The following PDE4D variants were observed in gnomAD, a reference collection of about 807,000 sequenced individuals.
The protein encoded by PDE4D is phosphodiesterase 4D.
A neutral mutation model predicts 87.4 loss-of-function variants in PDE4D; 24 were observed. The ratio of observed to expected loss-of-function variants is 0.27; its 90% CI spans 0.20 to 0.39. PDE4D has a LOEUF of 0.39. Ranked by LOEUF, PDE4D falls within the 10% of genes least tolerant of loss-of-function variation. The pLI is 1.00. For missense variants in PDE4D, 714 were observed against 1,041.0 expected (o/e 0.69, Z 4.32); for synonymous variants, 384 against 383.2 (o/e 1.00, Z -0.02).
At chr5:59,781,158 C>A (rs1764582010) in intron 1 of PDE4D, among the ~76,000 whole-genome samples, 3 of 121,110 alleles carry the variant, frequency 2.5e-5, no homozygotes, top group East Asian at 2.4e-4. Context: ...AAGAGTTAAA[C>A]TCCTTCTCAA....
At chr5:59,821,546 T>C (rs1189216696) in intron 1 of PDE4D, among the ~76,000 whole-genome samples, 1 of 152,226 alleles carries the variant, frequency 6.6e-6, no homozygotes, top group Non-Finnish European at 1.5e-5. Flanking sequence ...TGTACAATTC[T>C]GAAGAAATAA....
Position 60,027,256 on chromosome 5 carries a change from C to T in PDE4D, c.43-38539G>A, listed in dbSNP as rs190682327. Among the ~76,000 whole-genome samples the T allele has an allele frequency of 2.2e-3, 341 of 152,224 alleles. 3 individuals carry two copies. The highest frequency in any genetic ancestry group is 0.014 in the Middle Eastern group (4 of 294). ...TCTTCCCTCTTGGAGTCTCTAGTGT[C>T]TATTGTTTCCATCTTTATATCTGTG... On this transcript the variant is annotated intron_variant, in intron 2 of 16. Coordinates refer to the PDE4D transcript ENST00000502484.
chr5:60,348,461 C>A (rs1247667826), intron 1 of PDE4D, among the ~76,000 whole-genome samples: 1 of 151,808 alleles, frequency 6.6e-6, no homozygotes, highest in Non-Finnish European at 1.5e-5. Context: ...AAAAAAAACT[C>A]AAGTATGGAA....
At chr5:59,100,746 C>T (rs902830058) in intron 5 of PDE4D, among the ~76,000 whole-genome samples, 1 of 152,202 alleles carries the variant, frequency 6.6e-6, no homozygotes, top group Non-Finnish European at 1.5e-5. Context: ...GATTCTAGAT[C>T]CACAGAAGCT....
At chr5:59,025,947 C>A (rs928465077) in intron 6 of PDE4D, among the ~76,000 whole-genome samples, 4 of 152,214 alleles carry the variant, frequency 2.6e-5, no homozygotes, top group African/African-American at 7.2e-5. Flanking sequence ...CAGAGGCTGT[C>A]CCTATAGGGA....
At chr5:60,040,866 T>C (rs1768397823) in intron 2 of PDE4D, among the ~76,000 whole-genome samples, 1 of 152,204 alleles carries the variant, frequency 6.6e-6, no homozygotes, top group Admixed American at 6.5e-5. Flanking sequence ...AACAATGGTT[T>C]CTTCTTTAAG....
chr5:59,564,879 G>A (rs896689687), intron 1 of PDE4D, among the ~76,000 whole-genome samples: 1 of 152,178 alleles, frequency 6.6e-6, no homozygotes, highest in African/African-American at 2.4e-5. Context: ...ATGCAGCACT[G>A]GAGTGGGGTG....
chr5:59,713,145 G>A (rs1220189048), intron 1 of PDE4D, among the ~76,000 whole-genome samples: 1 of 152,168 alleles, frequency 6.6e-6, no homozygotes, highest in Non-Finnish European at 1.5e-5. Flanking sequence ...GAACATTTGA[G>A]AAGATAGGCA....
chr5:60,135,559 A>G (rs746769610), intron 2 of PDE4D, among the ~76,000 whole-genome samples: 2 of 152,186 alleles, frequency 1.3e-5, no homozygotes, highest in Non-Finnish European at 2.9e-5. Flanking sequence ...CAGGAAGGGT[A>G]AAAAAAGAAG....
At chr5:59,891,787 T>A (rs919537175) in intron 1 of PDE4D, among the ~76,000 whole-genome samples, 66 of 150,376 alleles carry the variant, frequency 4.4e-4, no homozygotes, top group Admixed American at 2.6e-3. Context: ...AGAGACATGC[T>A]CACACACACA....
At chr5:60,347,364 T>C (rs533611529) in intron 1 of PDE4D, among the ~76,000 whole-genome samples, 104 of 152,192 alleles carry the variant, frequency 6.8e-4, no homozygotes, top group African/African-American at 2.5e-3. Context: ...TGCAGACATT[T>C]GTAGAAAACA....
chr5:60,074,836 T>C (rs375657511), intron 2 of PDE4D, among the ~76,000 whole-genome samples: 1 of 152,328 alleles, frequency 6.6e-6, no homozygotes, highest in Middle Eastern at 3.4e-3. Flanking sequence ...CCCTGTTTTT[T>C]TCTGTTTTGC....
At chr5:59,310,731 G>A (rs1230254022) in intron 1 of PDE4D, among the ~76,000 whole-genome samples, 2 of 152,190 alleles carry the variant, frequency 1.3e-5, no homozygotes, top group African/African-American at 2.4e-5. Context: ...ATTCCCACGG[G>A]TGGCAGATGG....
At chr5:59,713,286 C>G (rs1754483208) in intron 1 of PDE4D, among the ~76,000 whole-genome samples, 1 of 152,218 alleles carries the variant, frequency 6.6e-6, no homozygotes, top group African/African-American at 2.4e-5. Context: ...AGGCAGACAT[C>G]AGGTCCAGCA....
intron 1 of PDE4D, among the ~76,000 whole-genome samples, chr5:60,373,486 G>T (rs1267126125): frequency 1.3e-5 from 2 of 152,064 alleles, no homozygotes; most frequent in African/African-American, 2.4e-5. Context: ...ATGATGACTT[G>T]CCTGAGAGTT....
chr5:59,579,433 T>C (rs1329250137), intron 1 of PDE4D, among the ~76,000 whole-genome samples: 1 of 152,228 alleles, frequency 6.6e-6, no homozygotes, highest in East Asian at 1.9e-4. Context: ...CAATTGGATC[T>C]GATTTCAGAT....
chr5:60,058,563 A>C (rs1302394713), intron 2 of PDE4D, among the ~76,000 whole-genome samples: 3 of 151,990 alleles, frequency 2.0e-5, no homozygotes, highest in Admixed American at 6.6e-5. Flanking sequence ...CTCTACTTTT[A>C]CCTTGTCTCC....
chr5:59,264,416 T>A (rs999943740), intron 1 of PDE4D, among the ~76,000 whole-genome samples: 2 of 152,062 alleles, frequency 1.3e-5, no homozygotes, highest in African/African-American at 4.8e-5. Flanking sequence ...AACATAAAAT[T>A]TCATTCCTAT....
intron 1 of PDE4D, among the ~76,000 whole-genome samples, chr5:59,246,390 A>G (rs1320453645): frequency 2.0e-5 from 3 of 152,140 alleles, no homozygotes; most frequent in African/African-American, 7.2e-5. Flanking sequence ...CTTAAAAACC[A>G]AAAAAACTAT....
Sources: gnomAD v4.1 joint callset for allele counts (sites outside exome capture counted in the v4.1 genomes callset) on GRCh38, gnomAD v4.1.1 for gene constraint, MANE v1.5 for transcripts, NCBI Gene and HGNC (gene_info 2026-07-23, HGNC 2026-07-21) for gene names.